The following CACNA1G variants were observed in gnomAD, a reference collection of about 807,000 sequenced individuals.
The protein encoded by CACNA1G is voltage-dependent T-type calcium channel subunit alpha-1G.
In CACNA1G, 67 loss-of-function variants were observed where a neutral mutation model predicts 219.4. The observed-to-expected ratio is 0.31, with a 90% confidence interval of 0.25 to 0.37. The LOEUF is 0.37. Ranked by LOEUF, CACNA1G falls within the 10% of genes least tolerant of loss-of-function variation. CACNA1G has a pLI of 1.00. For synonymous variants in CACNA1G, 1,296 were observed against 1,345.3 expected, an observed-to-expected ratio of 0.96 and a Z score of 0.80; for missense variants, 2,380 against 3,231.4, an observed-to-expected ratio of 0.74 and a Z score of 6.39.
rs1476480450 is a variant in CACNA1G, at chr17:50,560,755, C to T, written c.-705C>T. On this transcript the variant is annotated 5_prime_UTR_variant, in exon 1 of 38. Transcript: ENST00000359106. ...CGCCGCCGCTTTCGCTCGCTCGCTCCGCGTCTCGGCCGGAGGAGGAGGCTG... is the reference window on the plus strand; with the variant it reads ...CGCCGCCGCTTTCGCTCGCTCGCTCTGCGTCTCGGCCGGAGGAGGAGGCTG... Among the ~76,000 whole-genome samples, 2 of 152,196 alleles carry T rather than the reference C, an allele frequency of 1.3e-5. No individual in the cohort carries two copies. Among genetic ancestry groups the T allele is most frequent in the Non-Finnish European group, 2.9e-5 (2 of 68,014 alleles).
At chr17:50,579,509 C>A (rs1232321926) in intron 9 of CACNA1G, among the ~76,000 whole-genome samples, 1 of 152,134 alleles carries the variant, frequency 6.6e-6, no homozygotes, top group Non-Finnish European at 1.5e-5. Flanking sequence ...AGGGTTCTTT[C>A]CAGAAGTCGC....
intron 5 of CACNA1G, 107 bp downstream of exon 5, chr17:50,572,144 T>A (rs1490657540): frequency 8.0e-7 from 1 of 1,253,850 alleles, no homozygotes; most frequent in African/African-American, 1.5e-5. Context: ...TTCTAACATC[T>A]GAGACATATC....
chr17:50,595,376 G>C (rs767170478), intron 14 of CACNA1G, among the ~76,000 whole-genome samples: 1 of 152,244 alleles, frequency 6.6e-6, no homozygotes. Flanking sequence ...GGGGCACCCC[G>C]TGTGTGCGTG....
chr17:50,567,069 A>G (rs1262496682), intron 1 of CACNA1G, among the ~76,000 whole-genome samples: 1 of 152,244 alleles, frequency 6.6e-6, no homozygotes, highest in Admixed American at 6.5e-5. Flanking sequence ...TTCCCTTTCC[A>G]AATGATGGCT....
chr17:50,602,734 C>A, intron 19 of CACNA1G, 86 bp from the exon 20 acceptor site: 1 of 1,160,038 alleles, frequency 8.6e-7, no homozygotes, highest in Non-Finnish European at 1.3e-6. Flanking sequence ...ATGTTAGAAG[C>A]AGGTTTTGAC....
chr17:50,584,964 A>G (rs904857063), intron 9 of CACNA1G, among the ~76,000 whole-genome samples: 24 of 152,216 alleles, frequency 1.6e-4, no homozygotes, highest in African/African-American at 5.8e-4. Context: ...GATACTCAGC[A>G]CTTCCAGAGC....
intron 7 of CACNA1G, among the ~76,000 whole-genome samples, chr17:50,574,229 T>C (rs1371092837): frequency 1.3e-5 from 2 of 152,170 alleles, no homozygotes; most frequent in African/African-American, 4.8e-5. Flanking sequence ...ATTCAGCCTT[T>C]CTTCCATGTC....
chr17:50,572,935 G>C (rs2039773461), intron 6 of CACNA1G, 81 bp downstream of exon 6: 8 of 1,574,084 alleles, frequency 5.1e-6, no homozygotes, highest in African/African-American at 1.3e-5. Flanking sequence ...TCGCTCTCAG[G>C]GTTGGGGTGG....
intron 9 of CACNA1G, among the ~76,000 whole-genome samples, chr17:50,589,808 C>T (rs2043827428): frequency 6.6e-6 from 1 of 152,170 alleles, no homozygotes; most frequent in South Asian, 2.1e-4. Context: ...CTCCAGGTGT[C>T]TCCTCAACTG....
At chr17:50,623,263 A>ATTTTTTTT (rs35058899) in intron 35 of CACNA1G, among the ~76,000 whole-genome samples, 3 of 50,978 alleles carry the variant, frequency 5.9e-5, no homozygotes, top group South Asian at 1.2e-3. Context: ...TATCCAGCTA[A>ATTTTTTTT]TTTTTTTTTT....
In CACNA1G at chr17:50,627,335, C is replaced by A; in HGVS notation, c.*584C>A. 1.8e-5 allele frequency: 7 copies of A among 389,060 alleles called. No individual in the cohort carries two copies. Among genetic ancestry groups the A allele is most frequent in the Non-Finnish European group, 2.5e-5 (5 of 197,120 alleles). The allele number at this position is 389,060 out of a possible 1,614,324, so 24.1% of individuals were successfully genotyped here. ...TTATTTTTTCCTTTAACCTCGTCAT[C>A]ATTTTCTGTAGGGAAAAAAAAAAGA... On this transcript the variant is annotated 3_prime_UTR_variant, in exon 38 of 38. Coordinates refer to ENST00000359106, the MANE Select transcript of CACNA1G (RefSeq NM_018896.5).
At chr17:50,562,869 C>A (rs943276216) in intron 1 of CACNA1G, among the ~76,000 whole-genome samples, 1 of 152,172 alleles carries the variant, frequency 6.6e-6, no homozygotes, top group African/African-American at 2.4e-5. Context: ...CCCAGTCAGA[C>A]CCTAGCTCAA....
chr17:50,613,576 A>G (rs562140630), intron 26 of CACNA1G, among the ~76,000 whole-genome samples: 2 of 151,596 alleles, frequency 1.3e-5, no homozygotes, highest in South Asian at 2.1e-4. Context: ...GAGGAGGGCA[A>G]CTCTCCCAGC....
intron 1 of CACNA1G, among the ~76,000 whole-genome samples, chr17:50,568,643 G>A (rs1258297354): frequency 6.6e-6 from 1 of 152,154 alleles, no homozygotes; most frequent in Non-Finnish European, 1.5e-5. Context: ...TTCCTTTACA[G>A]ATGAGGAAGC....
rs368795133 is a variant in CACNA1G at position 50,599,632 on chromosome 17, G to A, written c.3463G>A (p.Gly1155Ser). The A allele has an allele frequency of 1.2e-6, 2 of 1,612,892 alleles. No individual in the cohort carries two copies. Among genetic ancestry groups the A allele is most frequent in the Non-Finnish European group, 1.7e-6 (2 of 1,179,526 alleles). ...AGAAGAGGAGCGGGCCAGCCCTGCG[G>A]GCAGTGACCATCGCCACAGGGGGTC... The part of the protein sequence containing the change: ...SSEEERASPA[G>S]SDHRHRGSLE... Residue 1155 changes from glycine to serine, a missense_variant, in exon 17 of 38, where the codon GGC (glycine) becomes AGC (serine). This residue lies in a region of CACNA1G where 418 missense variants were observed against 434.3 expected (regional missense o/e 0.96). Coordinates refer to ENST00000359106, the MANE Select transcript of CACNA1G (RefSeq NM_018896.5).
intron 5 of CACNA1G, 104 bp from the exon 6 acceptor site, chr17:50,572,450 C>T (rs2039669772): frequency 2.0e-6 from 2 of 985,302 alleles, no homozygotes; most frequent in Non-Finnish European, 2.9e-6. Flanking sequence ...CTGCCCTGCT[C>T]ACCCTATATG....
chr17:50,602,718 A>T, intron 19 of CACNA1G, 102 bp from the exon 20 acceptor site: 2 of 1,008,166 alleles, frequency 2.0e-6, no homozygotes, highest in South Asian at 1.3e-5. Flanking sequence ...TCGTTTTCTG[A>T]GTCAAATGTT....
rs144888059 is a variant in CACNA1G at position 50,584,765 on chromosome 17, C to T, written c.2302-5706C>T. ...TGGAGCCCCCCATGTAAGCCTGCAA[C>T]GAGGGGCCAGGTGGGGAGTAGGGCT... On this transcript the variant is annotated intron_variant, in intron 9 of 37. Transcript: ENST00000359106. Among the ~76,000 whole-genome samples the T allele has an allele frequency of 3.1e-3, 477 of 151,668 alleles. 2 individuals carry two copies. The highest frequency in any genetic ancestry group is 0.011 in the African/African-American group (455 of 41,248).
At position 50,619,141 on chromosome 17, in the gene CACNA1G, T is replaced by C. The variant is rs2146301527; in HGVS notation, c.5781+133T>C. 7 of 699,870 alleles carry C rather than the reference T, an allele frequency of 1.0e-5. No homozygotes were observed. In the South Asian group the frequency reaches 1.4e-4, roughly 14 times the overall value. The allele number at this position is 699,870 out of a possible 1,614,324, so 43.4% of individuals were successfully genotyped here. On this transcript the variant is annotated intron_variant, in intron 33 of 37. Transcript: ENST00000359106. ...GGAGGCTCCCGCCCTCCGTCCTGGA[T>C]GCTGAGCGAGCAGTCACTGCCCCTC... is the stretch of plus-strand genomic sequence containing the variant.
Sources: allele counts gnomAD v4.1 joint callset (sites outside exome capture counted in the v4.1 genomes callset), GRCh38; gene constraint gnomAD v4.1.1; regional missense constraint gnomAD v4.1.1; transcripts MANE v1.5; gene names NCBI Gene and HGNC (gene_info 2026-07-23, HGNC 2026-07-21).